The following DENND2B variants were observed in gnomAD, a reference collection of about 807,000 sequenced individuals.
DENND2B encodes the protein DENN domain containing 2B.
Under a neutral mutation model 116.0 loss-of-function variants are expected in DENND2B, and 32 were observed. That is an observed-to-expected ratio of 0.28 (90% CI 0.21 to 0.37). The LOEUF is 0.37. Among genes scored for constraint, DENND2B ranks in the 10% least tolerant of loss-of-function variants. The pLI, the probability that DENND2B is intolerant of heterozygous loss-of-function variation, is 1.00. For synonymous variants in DENND2B, 588 were observed against 583.9 expected, an observed-to-expected ratio of 1.01 and a Z score of -0.10; for missense variants, 1,276 against 1,477.7, an observed-to-expected ratio of 0.86 and a Z score of 2.24.
intron 3 of DENND2B, among the ~76,000 whole-genome samples, chr11:8,843,884 G>C (rs2062712797): frequency 6.6e-6 from 1 of 152,068 alleles, no homozygotes. Context: ...CACCTCCTTT[G>C]GTTGCTTTCT....
At chr11:8,714,887 G>T in intron 6 of DENND2B, 181 bp from the exon 7 acceptor site, 1 of 582,294 alleles carries the variant, frequency 1.7e-6, no homozygotes, top group Non-Finnish European at 3.1e-6. Context: ...AGCCATGCAT[G>T]GTAGCTCTCC....
chr11:8,729,924 C>T, intron 3 of DENND2B, 26 bp downstream of exon 3: 1 of 1,609,760 alleles, frequency 6.2e-7, no homozygotes, highest in Non-Finnish European at 8.5e-7. Flanking sequence ...TATTCAGCTA[C>T]AACACACCGG....
At chr11:8,904,631 T>C (rs758865192) in intron 1 of DENND2B, among the ~76,000 whole-genome samples, 5 of 152,296 alleles carry the variant, frequency 3.3e-5, no homozygotes, top group Middle Eastern at 3.4e-3. Context: ...AGCCTTTCTT[T>C]ATTCACAGAA....
At chr11:8,784,834 T>C (rs1388938916) in intron 1 of DENND2B, among the ~76,000 whole-genome samples, 1 of 128,830 alleles carries the variant, frequency 7.8e-6, no homozygotes, top group Admixed American at 7.1e-5. Flanking sequence ...TAAGACTCCT[T>C]CTCAAAAAAA....
rs367683079 is a variant in DENND2B at position 8,717,802 on chromosome 11, A to C, written c.1568T>G (p.Leu523Trp). Residue 523 changes from leucine (L) to tryptophan (W), a missense_variant, in exon 5 of 20, where the codon TTG becomes TGG. By Grantham distance (61) the Leu-to-Trp change is moderately conservative. Transcript: ENST00000313726. ...RKSQQLSENS[L>W]DSLHRMWSPQ... The stretch of plus-strand genomic sequence containing the variant: ...ACTCCACATCCTGTGCAAAGAGTCC[A>C]AGGAGTTCTCAGACAGTTGCTGGGA... 9.9e-6 allele frequency: 16 copies of C among 1,612,674 alleles called. No homozygotes were observed. The African/African-American group carries it at 1.3e-4, about 13-fold the overall frequency.
At chr11:8,700,225 G>A (rs1455537082) in intron 14 of DENND2B, among the ~76,000 whole-genome samples, 1 of 152,196 alleles carries the variant, frequency 6.6e-6, no homozygotes, top group African/African-American at 2.4e-5. Context: ...GGCTGACAAT[G>A]ACCATGGCTG....
intron 2 of DENND2B, among the ~76,000 whole-genome samples, chr11:8,737,929 T>TTC (rs397849570): frequency 2.6e-5 from 4 of 151,590 alleles, no homozygotes; most frequent in African/African-American, 9.7e-5. Context: ...TTTTTTTTTT[T>TTC]CACAGATGGG....
chr11:8,901,059 A>G (rs1210282854), intron 1 of DENND2B, among the ~76,000 whole-genome samples: 2 of 149,962 alleles, frequency 1.3e-5, no homozygotes, highest in African/African-American at 2.5e-5. Flanking sequence ...CCCAAATTTT[A>G]ATATCTTTTC....
At chr11:8,824,526 T>C (rs2061896314) in intron 4 of DENND2B, among the ~76,000 whole-genome samples, 1 of 152,184 alleles carries the variant, frequency 6.6e-6, no homozygotes, top group African/African-American at 2.4e-5. Flanking sequence ...GCAAAGGACA[T>C]GATTTCATTC....
chr11:8,830,783 G>C (rs1245926355), intron 4 of DENND2B: 1 of 152,220 alleles, frequency 6.6e-6, no homozygotes, highest in Admixed American at 6.5e-5. Flanking sequence ...GGCTGAGCCT[G>C]AGCCCATCAG....
Position 8,707,841 on chromosome 11 carries a change from C to T in DENND2B, c.2366G>A (p.Gly789Glu). The change falls in exon 12 of 20, where the codon GGG (glycine) becomes GAG (glutamate). Residue 789 changes from glycine to glutamate, a missense_variant. Physicochemically the swap from Gly to Glu is moderately conservative, Grantham distance 98. Coordinates refer to ENST00000313726, the MANE Select transcript of DENND2B (RefSeq NM_213618.2). This position sits in a 1 kb window ranked among gnomAD's most constrained non-coding sequence, Gnocchi z 4.8. Reference sequence around the variant, plus strand: ...ACAGTACACCTCTGGCAACCGGGGCCCTTTCCCACTTGGCTGGGCCAGGAC... The same window carrying T: ...ACAGTACACCTCTGGCAACCGGGGCTCTTTCCCACTTGGCTGGGCCAGGAC... ...YCRRLLPSGKGPRLPEVYCVI... is the reference protein window; with the variant it reads ...YCRRLLPSGKEPRLPEVYCVI... 4.3e-6 allele frequency: 7 copies of T among 1,610,302 alleles called. No individual in the cohort carries two copies. The highest frequency in any genetic ancestry group is 2.2e-5 in the East Asian group (1 of 44,760).
At chr11:8,743,021 G>A (rs1246832293) in intron 2 of DENND2B, among the ~76,000 whole-genome samples, 2 of 151,566 alleles carry the variant, frequency 1.3e-5, no homozygotes, top group African/African-American at 2.4e-5. Context: ...ATGAGATCGC[G>A]CCATTGCGCT....
intron 18 of DENND2B, 76 bp from the exon 19 acceptor site, chr11:8,695,625 C>G (rs1241308415): frequency 6.4e-5 from 81 of 1,262,928 alleles, no homozygotes; most frequent in Non-Finnish European, 9.1e-5. Flanking sequence ...TGAAGGGAAC[C>G]ATGGAGCACA....
rs750955935 is a variant in DENND2B at position 8,710,825 on chromosome 11, G to A, written c.2352+20C>T. ...CCTATCCCCTGCCTGCTGGCCTGAG[G>A]ACCGAATGGCCTCACTCACCAGTAA... On this transcript the variant is annotated intron_variant, in intron 11 of 19. Coordinates refer to ENST00000313726, the MANE Select transcript of DENND2B (RefSeq NM_213618.2). The A allele has an allele frequency of 1.2e-6, 2 of 1,612,158 alleles. No homozygotes were observed. The highest frequency in any genetic ancestry group is 2.2e-5 in the South Asian group (2 of 90,994).
chr11:8,857,264 C>A (rs920942002), intron 3 of DENND2B: 1 of 152,166 alleles, frequency 6.6e-6, no homozygotes, highest in Non-Finnish European at 1.5e-5. Flanking sequence ...TTCATGTCAT[C>A]TTCTCCAAAA....
At chr11:8,814,267 C>CTTTTTT (rs78274604), upstream of DENND2B, among the ~76,000 whole-genome samples, 2,427 of 121,458 alleles carry the variant, frequency 0.02, 147 homozygotes, top group East Asian at 0.099. Context: ...TCTGAATCAC[C>CTTTTTT]TTTTTTTTTT....
intron 1 of DENND2B, chr11:8,776,152 GCGCGCGCGCACACACACA>G (rs1252783799): frequency 1.6e-4 from 43 of 274,088 alleles, no homozygotes; most frequent in Admixed American, 3.2e-4. Flanking sequence ...GCGCGCACGC[GCGCGCGCGCACACACACA>G]CACACACACA....
In DENND2B at chr11:8,696,563, C is replaced by G; in HGVS notation, c.3156G>C (p.Glu1052Asp). Residue 1052 changes from glutamate (E) to aspartate (D), a missense_variant, in exon 18 of 20, where the codon GAG becomes GAC. Glu to Asp is a conservative substitution (Grantham distance 45). Transcript: ENST00000313726. ...GGAAGGCCTCTCGCTGAAAGGCCCT[C>G]TCTCCCTTCTCACTCTGTGTCAGAA... ...SLFLTQSEKG[E>D]RAFQREAFRK... The G allele has an allele frequency of 1.2e-6, 2 of 1,614,216 alleles. No homozygotes were observed. Among genetic ancestry groups the G allele is most frequent in the Non-Finnish European group, 1.7e-6 (2 of 1,180,052 alleles).
chr11:8,891,452 G>T (rs1290456350), intron 1 of DENND2B, among the ~76,000 whole-genome samples: 2 of 152,128 alleles, frequency 1.3e-5, no homozygotes, highest in East Asian at 3.9e-4. Context: ...TAGTAAATTG[G>T]ATAAAGAGTC....
Sources: gnomAD v4.1 joint callset for allele counts (sites outside exome capture counted in the v4.1 genomes callset) on GRCh38, gnomAD v4.1.1 for gene constraint, Gnocchi (gnomAD v3.1) non-coding constraint, MANE v1.5 for transcripts, NCBI Gene and HGNC (gene_info 2026-07-23, HGNC 2026-07-21) for gene names.